Variants in MLXIPL observed in about 807,000 individuals in gnomAD.
MLXIPL encodes MLX interacting protein like.
In MLXIPL, 49 loss-of-function variants were observed where a neutral mutation model predicts 81.5. That is an observed-to-expected ratio of 0.60 (90% CI 0.48 to 0.76). The LOEUF (loss-of-function observed/expected upper bound fraction) is 0.76. Among genes scored for constraint, MLXIPL ranks in the 30% least tolerant of loss-of-function variants. The pLI, the probability that MLXIPL is intolerant of heterozygous loss-of-function variation, is 0.00. For missense variants in MLXIPL, 1,053 were observed against 1,167.0 expected (o/e 0.90, Z 1.42); for synonymous variants, 466 against 485.5 (o/e 0.96, Z 0.53).
At chr7:73,625,053 G>A (rs57354127), upstream of MLXIPL, among the ~76,000 whole-genome samples, 3,897 of 152,112 alleles carry the variant, frequency 0.026, 156 homozygotes, top group African/African-American at 0.088. Context: ...GCATGGTGGC[G>A]TGTGCATGTA....
intron 1 of MLXIPL, among the ~76,000 whole-genome samples, chr7:73,618,385 C>T (rs1181846025): frequency 6.6e-6 from 1 of 152,234 alleles, no homozygotes; most frequent in African/African-American, 2.4e-5. Flanking sequence ...GCGTGAGCCA[C>T]CGCACCTGGC....
chr7:73,623,541 C>T lies in MLXIPL; in HGVS notation c.293+659G>A, dbSNP rs1280134261. Among the ~76,000 whole-genome samples, 1 of 152,114 alleles carries T rather than the reference C, an allele frequency of 6.6e-6. No individual in the cohort carries two copies. Among genetic ancestry groups the T allele is most frequent in the Non-Finnish European group, 1.5e-5 (1 of 68,036 alleles). On this transcript the variant is annotated intron_variant, in intron 1 of 16. Transcript: ENST00000313375. The surrounding 1 kb of genome is among the most constrained non-coding windows in gnomAD (Gnocchi z 5.7). ...CGTGGGTAGGCGAACCCAGGCCTCC[C>T]GGGCACCGGCGTAACCTCTGCGAGC...
intron 2 of MLXIPL, chr7:73,611,229 A>C (rs2116408706): frequency 6.6e-6 from 1 of 152,398 alleles, no homozygotes; most frequent in Non-Finnish European, 1.5e-5. Flanking sequence ...CAAAGCCCAC[A>C]GCGCTGCCCA....
At chr7:73,640,003 A>G in the MLXIPL span, among the ~76,000 whole-genome samples, 38 of 151,878 alleles carry the variant, frequency 2.5e-4, no homozygotes, top group Middle Eastern at 3.2e-3. Flanking sequence ...CAGAGCTTGC[A>G]GTGAGCCAAG....
At chr7:73,637,673 G>C in the MLXIPL span, among the ~76,000 whole-genome samples, 3 of 152,172 alleles carry the variant, frequency 2.0e-5, no homozygotes, top group African/African-American at 7.2e-5. Flanking sequence ...CTTACTGATG[G>C]TAGATGGCAG....
At chr7:73,619,763 T>C (rs2472014) in intron 1 of MLXIPL, among the ~76,000 whole-genome samples, 1,857 of 151,464 alleles carry the variant, frequency 0.012, 32 homozygotes, top group African/African-American at 0.043. Context: ...ACCCGGTCTC[T>C]ACTAAAAATA....
At position 73,599,657 on chromosome 7, in the gene MLXIPL, G is replaced by C. The variant is rs551672733; in HGVS notation, c.940C>G (p.Pro314Ala). The change falls in exon 8 of 17, where the codon CCT (proline) becomes GCT (alanine). Residue 314 changes from proline to alanine, a missense_variant. This residue lies in a region of MLXIPL where 823 missense variants were observed against 933.0 expected (regional missense o/e 0.88). Transcript: ENST00000313375. ...CTGGGGGGCTCTGGGAAGTTTGAAG[G>C]CATGGGCGGCTGTGGGAGGCGGGAG... ...TNSRLPQPPMPSNFPEPPSFS... is the reference protein window; with the variant it reads ...TNSRLPQPPMASNFPEPPSFS... 2.5e-6 allele frequency: 4 copies of C among 1,607,838 alleles called. No individual in the cohort carries two copies. The highest frequency in any genetic ancestry group is 2.2e-5 in the East Asian group (1 of 44,742).
intron 2 of MLXIPL, 101 bp from the exon 3 acceptor site, chr7:73,607,773 C>T: frequency 9.7e-7 from 1 of 1,031,100 alleles, no homozygotes; most frequent in Non-Finnish European, 1.5e-6. Context: ...TCCTGCTTGG[C>T]CTTTGACGTT....
chr7:73,605,619 G>A lies in MLXIPL; in HGVS notation c.901+69C>T. The A allele has an allele frequency of 3.4e-6, 5 of 1,457,742 alleles. 1 individual carries two copies. The South Asian group carries it at 3.4e-5, about 10-fold the overall frequency. The allele number at this position is 1,457,742 out of a possible 1,614,324, so 90.3% of individuals were successfully genotyped here. ...TATCAGCCCTCCCAGAGGGGCCTGG[G>A]ATGGGCTCATCGGCCTTCCTCACAC... On this transcript the variant is annotated intron_variant, in intron 7 of 16. Transcript: ENST00000313375.
rs782021958 is a variant in MLXIPL, at chr7:73,597,700, C to A, written c.1085G>T (p.Cys362Phe). The change falls in exon 9 of 17, where the codon TGC becomes TTC. Residue 362 changes from cysteine to phenylalanine, a missense_variant. Cys to Phe is a radical substitution (Grantham distance 205). This residue lies in a region of MLXIPL where 823 missense variants were observed against 933.0 expected (regional missense o/e 0.88). Coordinates refer to ENST00000313375, the MANE Select transcript of MLXIPL (RefSeq NM_032951.3). ...GHSRLQARNS[C>F]PGPLDSSAFL... is the part of the protein sequence containing the mutation. ...GGCGCTGGAGTCCAAGGGGCCAGGG[C>A]AGCTGTTCCGAGCCTGGTTGGGGGG... 1.8e-5 allele frequency: 24 copies of A among 1,350,992 alleles called. No individual in the cohort carries two copies. Among genetic ancestry groups the A allele is most frequent in the Non-Finnish European group, 2.1e-5 (22 of 1,055,130 alleles). The allele number at this position is 1,350,992 out of a possible 1,614,324, so 83.7% of individuals were successfully genotyped here.
At chr7:73,621,151 C>T (rs782735811) in intron 1 of MLXIPL, among the ~76,000 whole-genome samples, 1 of 151,804 alleles carries the variant, frequency 6.6e-6, no homozygotes, top group Non-Finnish European at 1.5e-5. Flanking sequence ...TTCAGCTGCC[C>T]ACCTCCCACC....
At chr7:73,644,448 G>A in the MLXIPL span, among the ~76,000 whole-genome samples, 2 of 152,046 alleles carry the variant, frequency 1.3e-5, no homozygotes, top group Non-Finnish European at 2.9e-5. Flanking sequence ...GACCTCAGAC[G>A]ATCCACCCGT....
intron 7 of MLXIPL, among the ~76,000 whole-genome samples, chr7:73,603,944 G>A (rs1034636829): frequency 1.2e-4 from 18 of 152,140 alleles, no homozygotes; most frequent in African/African-American, 1.9e-4. Context: ...GGCCAGACGC[G>A]GTAGCTCACA....
chr7:73,594,748 T>C (rs553481793), intron 15 of MLXIPL, among the ~76,000 whole-genome samples: 19 of 150,718 alleles, frequency 1.3e-4, no homozygotes, highest in African/African-American at 4.6e-4. Flanking sequence ...GGGGTTTCGC[T>C]ATGTTGGTCA....
At chr7:73,614,408 G>T (rs1487518091) in intron 2 of MLXIPL, among the ~76,000 whole-genome samples, 1 of 152,148 alleles carries the variant, frequency 6.6e-6, no homozygotes, top group African/African-American at 2.4e-5. Context: ...GGGTTGCTAG[G>T]AAGCCTTAAA....
the MLXIPL span, among the ~76,000 whole-genome samples, chr7:73,646,074 T>C: frequency 6.6e-6 from 1 of 152,164 alleles, no homozygotes; most frequent in Non-Finnish European, 1.5e-5. Flanking sequence ...GCCAAAACTT[T>C]TTCTTTGGCC....
At chr7:73,632,508 G>A in the MLXIPL span, among the ~76,000 whole-genome samples, 3 of 152,164 alleles carry the variant, frequency 2.0e-5, no homozygotes, top group East Asian at 1.9e-4. Context: ...TAGTGTGAGA[G>A]GTGTTCCATG....
At position 73,596,745 on chromosome 7, in the gene MLXIPL, G is replaced by C; in HGVS notation, c.1716C>G (p.Thr572=). The change falls in exon 11 of 17, where the codon ACC becomes ACG. Residue 572 remains threonine (T), a synonymous_variant. Transcript: ENST00000313375. This position sits in a 1 kb window ranked among gnomAD's most constrained non-coding sequence, Gnocchi z 4.7. ...GTGGCCGGGGCGGTGTAGGGGCCGG[G>C]GTCGGGGGAAGGAATGTGCAGGGGA... ...PEFPCTFLPP[T]PAPTPPRPPP... is the part of the protein sequence containing the mutation. 1 of 1,597,756 alleles carries C rather than the reference G, an allele frequency of 6.3e-7. No homozygotes were observed. The highest frequency in any genetic ancestry group is 8.5e-7 in the Non-Finnish European group (1 of 1,173,576).
chr7:73,631,529 C>A, the MLXIPL span, among the ~76,000 whole-genome samples: 9 of 138,576 alleles, frequency 6.5e-5, no homozygotes, highest in Admixed American at 4.5e-4. Context: ...TAGAAGGGCT[C>A]AAGAAGAGAG....
Sources: gnomAD v4.1 joint callset for allele counts (sites outside exome capture counted in the v4.1 genomes callset) on GRCh38, gnomAD v4.1.1 for gene constraint, gnomAD v4.1.1 regional missense constraint, Gnocchi (gnomAD v3.1) non-coding constraint, MANE v1.5 for transcripts, NCBI Gene and HGNC (gene_info 2026-07-23, HGNC 2026-07-21) for gene names.